CD53: variants seen among roughly 807,000 people sequenced by gnomAD.
CD53 encodes CD53 molecule.
Under a neutral mutation model 27.3 loss-of-function variants are expected in CD53, and 20 were observed. That is an observed-to-expected ratio of 0.73 (90% CI 0.52 to 1.07). CD53 has a LOEUF of 1.07. CD53 is among the 50% of genes least tolerant of loss of function. CD53 has a pLI of 0.00. For missense variants in CD53, 216 were observed against 264.0 expected (o/e 0.82, Z 1.26); for synonymous variants, 106 against 105.3 (o/e 1.01, Z -0.04).
intron 5 of CD53, 145 bp downstream of exon 5, chr1:110,895,200 C>T (rs558554855): frequency 3.1e-6 from 2 of 638,158 alleles, no homozygotes; most frequent in East Asian, 2.8e-5. Flanking sequence ...CTATCACAAA[C>T]ATGGGAGCCC....
intron 5 of CD53, among the ~76,000 whole-genome samples, chr1:110,896,400 G>A (rs758858392): frequency 1.6e-4 from 24 of 152,050 alleles, no homozygotes; most frequent in Admixed American, 1.3e-4. Flanking sequence ...GCAGTCCCTG[G>A]GTGCCTTATT....
chr1:110,877,098 A>C (rs984141735), intron 1 of CD53, among the ~76,000 whole-genome samples: 2 of 152,202 alleles, frequency 1.3e-5, no homozygotes, highest in African/African-American at 4.8e-5. Context: ...TCTTTATAGC[A>C]AAAGGAAATT....
chr1:110,881,445 T>A (rs1200351715), intron 1 of CD53, among the ~76,000 whole-genome samples: 1 of 152,260 alleles, frequency 6.6e-6, no homozygotes, highest in Non-Finnish European at 1.5e-5. Flanking sequence ...TCATTCTTTT[T>A]AATTGCTAAG....
chr1:110,878,444 T>C (rs1052021552), intron 1 of CD53, among the ~76,000 whole-genome samples: 5 of 152,228 alleles, frequency 3.3e-5, no homozygotes, highest in African/African-American at 9.6e-5. Context: ...GAAATGTATA[T>C]GGAGAAGTGT....
At chr1:110,898,131 A>T (rs1361245970) in intron 7 of CD53, among the ~76,000 whole-genome samples, 1 of 152,156 alleles carries the variant, frequency 6.6e-6, no homozygotes, top group Non-Finnish European at 1.5e-5. Context: ...TAATCCCAGC[A>T]CTTTGGGAGG....
intron 1 of CD53, among the ~76,000 whole-genome samples, chr1:110,885,343 G>A (rs1656533856): frequency 6.6e-6 from 1 of 152,140 alleles, no homozygotes; most frequent in Admixed American, 6.5e-5. Flanking sequence ...AAGGTCAGGA[G>A]ATCGAGACCA....
At chr1:110,896,623 CCAT>C (rs772761318) in intron 5 of CD53, 27 bp from the exon 6 acceptor site, 1 of 1,602,996 alleles carries the variant, frequency 6.2e-7, no homozygotes, top group South Asian at 1.1e-5. Context: ...GACTTTCTAA[CCAT>C]CATCATTTTG....
rs115803111 is a variant in CD53 at position 110,891,412 on chromosome 1, G to A, written c.4G>A (p.Gly2Ser). 5.1e-5 allele frequency: 82 copies of A among 1,612,976 alleles called. No homozygotes were observed. In the African/African-American group the frequency reaches 1.0e-3, roughly 20 times the overall value. Residue 2 changes from glycine to serine, a missense_variant, in exon 2 of 8, where the codon GGC becomes AGC. Transcript: ENST00000271324. M[G>S]MSSLKLLKYV... ...CTTAGGGCAAGAATATCACGGCATG[G>A]GCATGAGTAGCTTGAAACTGCTGAA...
Position 110,894,955 on chromosome 1 carries a change from C to A in CD53, c.328-5C>A. On this transcript the variant is annotated splice_region_variant and splice_polypyrimidine_tract_variant and intron_variant, in intron 4 of 7. Transcript: ENST00000271324. ...TGTCTCCTCTGCTGGAATGTGCCTG[C>A]CCAGCTGAATGAGTATGTGGCTAAG... 2 of 1,609,962 alleles carry A rather than the reference C, an allele frequency of 1.2e-6. No homozygotes were observed. The highest frequency in any genetic ancestry group is 1.7e-6 in the Non-Finnish European group (2 of 1,176,294).
intron 6 of CD53, 31 bp downstream of exon 6, chr1:110,896,764 A>G: frequency 6.3e-7 from 1 of 1,579,268 alleles, no homozygotes; most frequent in Non-Finnish European, 8.7e-7. Context: ...TCTGTTATTG[A>G]CCTCTTTGTT....
Position 110,894,325 on chromosome 1 carries a change from A to T in CD53, c.253-2A>T, listed in dbSNP as rs757638848. On this transcript the variant is annotated splice_acceptor_variant, in intron 3 of 7. Coordinates refer to ENST00000271324, the MANE Select transcript of CD53 (RefSeq NM_000560.4). LOFTEE classifies it high-confidence loss of function. Reference sequence around the variant, plus strand: ...TGTGAGAATGTATCTGCTTTGTCCCAGTTCTTCATCCTGCTGCTGATTATC... The same window carrying T: ...TGTGAGAATGTATCTGCTTTGTCCCTGTTCTTCATCCTGCTGCTGATTATC... The T allele has an allele frequency of 1.9e-6, 3 of 1,613,812 alleles. No homozygotes were observed.
Position 110,892,405 on chromosome 1 carries a change from G to A in CD53, c.124G>A (p.Val42Met), listed in dbSNP as rs765103894. 6.2e-7 allele frequency: 1 copy of A among 1,614,012 alleles called. No individual in the cohort carries two copies. The highest frequency in any genetic ancestry group is 8.5e-7 in the Non-Finnish European group (1 of 1,179,902). The change falls in exon 3 of 8, where the codon GTG becomes ATG. Residue 42 changes from valine to methionine, a missense_variant. Transcript: ENST00000271324. ...CCTGCTGATCCACAACAACTTCGGA[G>A]TGCTCTTCCATAACCTCCCCTCCCT... ...IYLLIHNNFGVLFHNLPSLTL... is the reference protein window; with the variant it reads ...IYLLIHNNFGMLFHNLPSLTL...
chr1:110,871,811 A>C (rs2101031678), upstream of CD53, among the ~76,000 whole-genome samples: 1 of 96,654 alleles, frequency 1.0e-5, no homozygotes, highest in Middle Eastern at 4.4e-3. Context: ...CCCCAAGAGA[A>C]ACTACACACA....
chr1:110,884,186 A>T lies in CD53; in HGVS notation c.-17-7206A>T, dbSNP rs559190876. Among the ~76,000 whole-genome samples the T allele has an allele frequency of 2.6e-5, 4 of 152,202 alleles. No homozygotes were observed. The East Asian group carries it at 5.8e-4, about 22-fold the overall frequency. ...CACCCCAAAATATTGCTTTAGTGAC[A>T]TTCCCACATTTTCAACATGTTTTTA... On this transcript the variant is annotated intron_variant, in intron 1 of 7. Transcript: ENST00000271324.
At chr1:110,872,046 C>A (rs1471359694), upstream of CD53, among the ~76,000 whole-genome samples, 1 of 152,176 alleles carries the variant, frequency 6.6e-6, no homozygotes, top group Non-Finnish European at 1.5e-5. Flanking sequence ...AGACAGCTAG[C>A]TTTCCCAGAG....
chr1:110,872,879 T>C (rs1300016023), upstream of CD53, among the ~76,000 whole-genome samples: 1 of 152,188 alleles, frequency 6.6e-6, no homozygotes, highest in East Asian at 1.9e-4. Flanking sequence ...ACTGTCCTTT[T>C]CTAAGCAAAA....
At chr1:110,886,196 C>A (rs1047582745) in intron 1 of CD53, among the ~76,000 whole-genome samples, 4 of 151,958 alleles carry the variant, frequency 2.6e-5, no homozygotes, top group Non-Finnish European at 5.9e-5. Flanking sequence ...TCCAGCTTGC[C>A]TGTTTTCCAA....
At chr1:110,896,613 GA>G (rs1657075577) in intron 5 of CD53, 39 bp from the exon 6 acceptor site, 1 of 1,585,670 alleles carries the variant, frequency 6.3e-7, no homozygotes, top group African/African-American at 1.4e-5. Context: ...TTTCACTGTT[GA>G]CTTTCTAACC....
At chr1:110,880,660 C>T (rs907368483) in intron 1 of CD53, among the ~76,000 whole-genome samples, 16 of 152,172 alleles carry the variant, frequency 1.1e-4, no homozygotes, top group African/African-American at 3.1e-4. Flanking sequence ...AAGCCCAAGG[C>T]TCCTGACTCT....
Sources: allele counts gnomAD v4.1 joint callset (sites outside exome capture counted in the v4.1 genomes callset), GRCh38; gene constraint gnomAD v4.1.1; transcripts MANE v1.5; gene names NCBI Gene and HGNC (gene_info 2026-07-23, HGNC 2026-07-21).